TPRG1: variants seen among roughly 807,000 people sequenced by gnomAD.
TPRG1 encodes tumor protein p63 regulated 1.
TPRG1 carries 29 observed loss-of-function variants against 29.3 expected under a neutral mutation model. The ratio of observed to expected loss-of-function variants is 0.99; its 90% CI spans 0.74 to 1.35. TPRG1 has a LOEUF of 1.35. Ranked by LOEUF, TPRG1 falls within the 40% of genes most tolerant of loss-of-function variation. TPRG1 has a pLI of 0.00. For synonymous variants in TPRG1, 130 were observed against 116.8 expected (o/e 1.11, Z -0.73); for missense variants, 327 against 335.0 (o/e 0.98, Z 0.19).
chr3:189,186,725 G>A (rs1031340636), intron 1 of TPRG1, among the ~76,000 whole-genome samples: 7 of 151,018 alleles, frequency 4.6e-5, no homozygotes, highest in African/African-American at 1.2e-4. Flanking sequence ...TGAGATGGGG[G>A]CAAGTAGTTC....
In TPRG1 at chr3:189,012,890, CTT is replaced by C. The variant is rs1394597989; in HGVS notation, c.-660+8132_-660+8133del. On this transcript the variant is annotated intron_variant, in intron 3 of 10. Coordinates refer to the TPRG1 transcript ENST00000433971. Reference sequence around the variant, plus strand: ...TTTTTTGAATCTTCTCTCTTTTCTTCTTTGTTAGTCTAGCTAGTGGTCTATTT... The same window carrying C: ...TTTTTTGAATCTTCTCTCTTTTCTTCTGTTAGTCTAGCTAGTGGTCTATTT... 2.0e-5 allele frequency among the ~76,000 whole-genome samples: 3 copies of C among 151,872 alleles called. No individual in the cohort carries two copies. The East Asian group carries it at 5.8e-4, about 29-fold the overall frequency.
At chr3:189,059,519 G>A (rs1197339495) in intron 4 of TPRG1, among the ~76,000 whole-genome samples, 1 of 152,016 alleles carries the variant, frequency 6.6e-6, no homozygotes, top group African/African-American at 2.4e-5. Context: ...TTGAACCCAA[G>A]AGGTGGAGGT....
At chr3:188,997,232 C>T (rs562327511) in intron 1 of TPRG1, among the ~76,000 whole-genome samples, 2 of 152,130 alleles carry the variant, frequency 1.3e-5, no homozygotes, top group Admixed American at 6.5e-5. Flanking sequence ...TCTCTCCCTC[C>T]TTCTATGCAT....
chr3:189,156,652 C>A (rs1342765425), intron 5 of TPRG1, among the ~76,000 whole-genome samples: 1 of 152,184 alleles, frequency 6.6e-6, no homozygotes, highest in Non-Finnish European at 1.5e-5. Flanking sequence ...ATGGGAGATG[C>A]ACCAGCTTAG....
chr3:189,077,419 T>C (rs1345850236), intron 4 of TPRG1, among the ~76,000 whole-genome samples: 4 of 151,858 alleles, frequency 2.6e-5, no homozygotes, highest in Non-Finnish European at 1.5e-5. Flanking sequence ...AGTTAGTTAG[T>C]TTGCCTAACT....
intron 1 of TPRG1, among the ~76,000 whole-genome samples, chr3:189,202,223 C>T (rs973518552): frequency 2.6e-5 from 4 of 152,092 alleles, no homozygotes; most frequent in Admixed American, 6.6e-5. Context: ...TAAGATCATG[C>T]GGTTTTTCTG....
chr3:189,054,102 G>T (rs1715505679), intron 4 of TPRG1, among the ~76,000 whole-genome samples: 1 of 151,854 alleles, frequency 6.6e-6, no homozygotes, highest in Admixed American at 6.6e-5. Flanking sequence ...ATCATTTCTA[G>T]CTTTTGATTT....
At chr3:189,283,110 G>T (rs1317081311) in intron 4 of TPRG1, among the ~76,000 whole-genome samples, 1 of 152,102 alleles carries the variant, frequency 6.6e-6, no homozygotes, top group East Asian at 1.9e-4. Context: ...TAATGTATTG[G>T]GTCTGAGTTA....
intron 3 of TPRG1, among the ~76,000 whole-genome samples, chr3:189,008,886 T>G (rs978525304): frequency 2.0e-5 from 3 of 152,166 alleles, no homozygotes; most frequent in Non-Finnish European, 4.4e-5. Context: ...TTAAGCATTA[T>G]TCTATAGTGC....
At chr3:189,132,071 G>A (rs1022445840) in intron 2 of TPRG1, among the ~76,000 whole-genome samples, 10 of 152,118 alleles carry the variant, frequency 6.6e-5, no homozygotes, top group Non-Finnish European at 1.2e-4. Flanking sequence ...GATAGTGCAC[G>A]ACTCCCTGAT....
At chr3:189,119,580 G>A (rs1253983146) in intron 1 of TPRG1, among the ~76,000 whole-genome samples, 1 of 152,210 alleles carries the variant, frequency 6.6e-6, no homozygotes, top group Non-Finnish European at 1.5e-5. Flanking sequence ...GAGGTACTCA[G>A]TGGGAGGTAA....
chr3:189,163,738 CT>C (rs1727786072), intron 5 of TPRG1, among the ~76,000 whole-genome samples: 1 of 152,078 alleles, frequency 6.6e-6, no homozygotes. Context: ...GCCATTAGGG[CT>C]TCTCCACAAC....
intron 4 of TPRG1, among the ~76,000 whole-genome samples, chr3:189,268,569 C>T (rs1049032093): frequency 3.0e-4 from 46 of 152,134 alleles, no homozygotes; most frequent in African/African-American, 9.9e-4. Context: ...CTGAGAAGGG[C>T]GCCAAAATTT....
intron 4 of TPRG1, among the ~76,000 whole-genome samples, chr3:189,277,589 T>C (rs893643480): frequency 7.9e-5 from 12 of 152,272 alleles, no homozygotes; most frequent in Middle Eastern, 3.4e-3. Flanking sequence ...GTTTGGACAG[T>C]ATACAGAATA....
chr3:189,168,673 C>T (rs1728443158), upstream of TPRG1, among the ~76,000 whole-genome samples: 1 of 152,134 alleles, frequency 6.6e-6, no homozygotes, highest in African/African-American at 2.4e-5. Context: ...AGGGGAAATT[C>T]ATATTGCTTA....
At chr3:189,245,443 G>A (rs910233327) in intron 4 of TPRG1, among the ~76,000 whole-genome samples, 1 of 151,950 alleles carries the variant, frequency 6.6e-6, no homozygotes, top group Non-Finnish European at 1.5e-5. Flanking sequence ...AATTTTTCTT[G>A]TGATTTTCCT....
chr3:189,228,932 C>T (rs1051437220), intron 3 of TPRG1, among the ~76,000 whole-genome samples: 5 of 152,040 alleles, frequency 3.3e-5, no homozygotes, highest in Non-Finnish European at 5.9e-5. Context: ...TTTCAGAATA[C>T]AAGATCAGCA....
At chr3:189,207,311 C>A in intron 1 of TPRG1, 65 bp from the exon 2 acceptor site, 1 of 1,566,274 alleles carries the variant, frequency 6.4e-7, no homozygotes, top group Non-Finnish European at 8.7e-7. Flanking sequence ...TTCTGTTTTG[C>A]CATAGCTAGG....
chr3:189,159,863 T>TGG (rs1727235096), intron 5 of TPRG1, among the ~76,000 whole-genome samples: 1 of 140,738 alleles, frequency 7.1e-6, no homozygotes, highest in African/African-American at 2.5e-5. Flanking sequence ...TGTGTGTGTG[T>TGG]GTGTGGTGGT....
Sources: allele counts gnomAD v4.1 joint callset (sites outside exome capture counted in the v4.1 genomes callset), GRCh38; gene constraint gnomAD v4.1.1; transcripts MANE v1.5; gene names NCBI Gene and HGNC (gene_info 2026-07-23, HGNC 2026-07-21).